Variants in PTRH2 observed in about 807,000 individuals in gnomAD.
PTRH2 encodes peptidyl-tRNA hydrolase 2, mitochondrial.
PTRH2 carries 10 observed loss-of-function variants against 12.3 expected under a neutral mutation model. That is an observed-to-expected ratio of 0.81 (90% CI 0.50 to 1.38). PTRH2 has a LOEUF of 1.38. Among genes scored for constraint, PTRH2 ranks in the 40% most tolerant of loss-of-function variants. The pLI is 0.00. For missense variants in PTRH2, 176 were observed against 214.1 expected (o/e 0.82, Z 1.11); for synonymous variants, 73 against 77.4 (o/e 0.94, Z 0.30).
Position 59,707,392 on chromosome 17 carries a change from C to G in PTRH2, c.-22G>C, listed in dbSNP as rs995699347. The stretch of plus-strand genomic sequence containing the variant: ...CTACCTACAGTACCTCCTTTCCTCA[C>G]TCGCGCCTTCCCTTCTTCTGGGCAG... On this transcript the variant is annotated 5_prime_UTR_variant, in exon 1 of 2. Transcript: ENST00000393038. The G allele has an allele frequency of 6.5e-6, 1 of 152,718 alleles. No homozygotes were observed. Among genetic ancestry groups the G allele is most frequent in the Non-Finnish European group, 1.5e-5 (1 of 68,082 alleles). 9.5% of individuals were successfully genotyped at this position (152,718 alleles called of 1,614,324 possible).
chr17:59,699,161 A>G (rs1352865684), intron 1 of PTRH2: 4 of 375,550 alleles, frequency 1.1e-5, no homozygotes, highest in Admixed American at 4.4e-5. Context: ...GCGCCTGTCA[A>G]CTGTGGCGAA....
chr17:59,701,746 C>G (rs2033557239), intron 1 of PTRH2, among the ~76,000 whole-genome samples: 1 of 152,116 alleles, frequency 6.6e-6, no homozygotes, highest in Non-Finnish European at 1.5e-5. Context: ...CGCTCTGTCG[C>G]CCAGGCTAGC....
chr17:59,704,772 A>C (rs1276415348), intron 1 of PTRH2, among the ~76,000 whole-genome samples: 1 of 152,090 alleles, frequency 6.6e-6, no homozygotes. Context: ...CACCCCCTAA[A>C]AGAGACAAAG....
chr17:59,704,910 C>T (rs901741367), intron 1 of PTRH2, among the ~76,000 whole-genome samples: 1 of 152,188 alleles, frequency 6.6e-6, no homozygotes, highest in East Asian at 1.9e-4. Flanking sequence ...GCCTCAGCCT[C>T]CCACGTACAT....
At position 59,698,484 on chromosome 17, in the gene PTRH2, A is replaced by G. The variant is rs2033491957; in HGVS notation, c.1-506T>C. On this transcript the variant is annotated intron_variant, in intron 1 of 1. Transcript: ENST00000393038. ...ACTAAGCCTGAGCAAGGATGCTAAA[A>G]ACCTTACAAAATGAAGAGTTGTCCC... The G allele has an allele frequency of 2.3e-5, 5 of 221,766 alleles. No individual in the cohort carries two copies. In the South Asian group the frequency reaches 3.0e-4, roughly 13 times the overall value. 13.7% of individuals were successfully genotyped at this position (221,766 alleles called of 1,614,324 possible).
Position 59,697,566 on chromosome 17 carries a change from A to T in PTRH2, c.413T>A (p.Leu138Gln), listed in dbSNP as rs975919661. The T allele has an allele frequency of 6.8e-6, 11 of 1,614,236 alleles. No individual in the cohort carries two copies. The highest frequency in any genetic ancestry group is 8.5e-6 in the Non-Finnish European group (10 of 1,180,030). ...ALLAHAKMLG[L>Q]TVSLIQDAGR... ...AGCATCTTGAATTAAACTTACAGTCAGTCCCAGCATTTTTGCATGGGCCAA... is the reference window on the plus strand; with the variant it reads ...AGCATCTTGAATTAAACTTACAGTCTGTCCCAGCATTTTTGCATGGGCCAA... The change falls in exon 2 of 2, where the codon CTG becomes CAG. Residue 138 changes from leucine to glutamine, a missense_variant. By Grantham distance (113) the Leu-to-Gln change is moderately radical. Coordinates refer to ENST00000393038, the MANE Select transcript of PTRH2 (RefSeq NM_016077.5).
At chr17:59,706,968 C>T (rs1387884187) in intron 1 of PTRH2, among the ~76,000 whole-genome samples, 1 of 152,174 alleles carries the variant, frequency 6.6e-6, no homozygotes, top group African/African-American at 2.4e-5. Context: ...CCACCGCGCC[C>T]GGCCCCAAAT....
intron 1 of PTRH2, chr17:59,700,588 G>A (rs750006566): frequency 6.6e-5 from 10 of 152,090 alleles, no homozygotes; most frequent in Non-Finnish European, 1.3e-4. Context: ...ACTGTCTTTG[G>A]TGGGGCAGAA....
intron 1 of PTRH2, among the ~76,000 whole-genome samples, chr17:59,702,755 G>GT (rs1290558225): frequency 6.6e-6 from 1 of 152,216 alleles, no homozygotes; most frequent in Non-Finnish European, 1.5e-5. Flanking sequence ...ACTTACTGTA[G>GT]TTTCGCTTAA....
intron 1 of PTRH2, among the ~76,000 whole-genome samples, chr17:59,706,532 C>T (rs954455005): frequency 2.6e-5 from 4 of 151,992 alleles, no homozygotes; most frequent in Non-Finnish European, 5.9e-5. Context: ...TTTCCCAAAT[C>T]TTCTCTGACC....
chr17:59,700,911 G>A (rs1206957137), intron 1 of PTRH2: 2 of 152,216 alleles, frequency 1.3e-5, no homozygotes, highest in African/African-American at 4.8e-5. Flanking sequence ...AAATGGAGTA[G>A]AGAAGAGAAA....
intron 1 of PTRH2, among the ~76,000 whole-genome samples, chr17:59,702,735 C>T (rs569625656): frequency 1.3e-5 from 2 of 152,320 alleles, no homozygotes; most frequent in Non-Finnish European, 1.5e-5. Flanking sequence ...GTAAATAGAG[C>T]TGGTCATGGA....
chr17:59,698,468 G>A (rs1377341357), intron 1 of PTRH2: 2 of 223,042 alleles, frequency 9.0e-6, no homozygotes, highest in African/African-American at 4.6e-5. Flanking sequence ...TACTAAGCCT[G>A]AGCAAGGATG....
intron 1 of PTRH2, chr17:59,700,392 G>A (rs2033533794): frequency 6.6e-6 from 1 of 152,132 alleles, no homozygotes; most frequent in African/African-American, 2.4e-5. Flanking sequence ...TTATAAACAT[G>A]GGGCCACTAT....
At chr17:59,702,119 GAAGTT>G (rs753158367) in intron 1 of PTRH2, among the ~76,000 whole-genome samples, 29 of 152,200 alleles carry the variant, frequency 1.9e-4, no homozygotes, top group South Asian at 1.7e-3. Flanking sequence ...CAGACCAAGA[GAAGTT>G]AAGTTCAATA....
chr17:59,703,333 A>G (rs549247636), intron 1 of PTRH2, among the ~76,000 whole-genome samples: 2 of 151,648 alleles, frequency 1.3e-5, no homozygotes, highest in African/African-American at 4.8e-5. Flanking sequence ...CTCTCAATTT[A>G]TGGTACTTTC....
chr17:59,705,494 G>A (rs946072259), intron 1 of PTRH2, among the ~76,000 whole-genome samples: 5 of 151,982 alleles, frequency 3.3e-5, no homozygotes, highest in Non-Finnish European at 7.4e-5. Flanking sequence ...ATCATAGCTC[G>A]CTACAGCCTC....
chr17:59,698,123 G>T, intron 1 of PTRH2, 145 bp from the exon 2 acceptor site: 1 of 760,902 alleles, frequency 1.3e-6, no homozygotes, highest in Non-Finnish European at 2.1e-6. Flanking sequence ...CCTGCACCCT[G>T]TTTCCAACAC....
rs75382095 is a variant in PTRH2 at position 59,697,316 on chromosome 17, G to C, written c.*123C>G. 115 of 1,176,082 alleles carry C rather than the reference G, an allele frequency of 9.8e-5. No homozygotes were observed. The African/African-American group carries it at 1.7e-3, about 17-fold the overall frequency. 72.9% of individuals were successfully genotyped at this position (1,176,082 alleles called of 1,614,324 possible). On this transcript the variant is annotated 3_prime_UTR_variant, in exon 2 of 2. Coordinates refer to ENST00000393038, the MANE Select transcript of PTRH2 (RefSeq NM_016077.5). The stretch of plus-strand genomic sequence containing the variant: ...GACAACTGCCAACCATAGAACATGG[G>C]AATAGGTTTTATTTTCATCTCAAGA...
Sources: allele counts gnomAD v4.1 joint callset (sites outside exome capture counted in the v4.1 genomes callset), GRCh38; gene constraint gnomAD v4.1.1; transcripts MANE v1.5; gene names NCBI Gene and HGNC (gene_info 2026-07-23, HGNC 2026-07-21).